Variants in AGR3 observed in about 807,000 individuals in gnomAD.
AGR3 encodes anterior gradient 3, protein disulphide isomerase family member.
A neutral mutation model predicts 24.5 loss-of-function variants in AGR3; 37 were observed. The observed-to-expected ratio is 1.51, with a 90% CI of 1.16 to 1.99. The LOEUF is 1.99. Ranked by LOEUF, AGR3 falls within the 30% of genes most tolerant of loss-of-function variation. The pLI, the probability that AGR3 is intolerant of heterozygous loss-of-function variation, is 0.00. For synonymous variants in AGR3, 75 were observed against 61.6 expected, an observed-to-expected ratio of 1.22 and a Z score of -1.02; for missense variants, 228 against 191.1, an observed-to-expected ratio of 1.19 and a Z score of -1.14.
At chr7:16,860,684 T>A in intron 6 of AGR3, 101 bp from the exon 7 acceptor site, 1 of 789,522 alleles carries the variant, frequency 1.3e-6, no homozygotes. Flanking sequence ...GGGTTATGTG[T>A]ACAAGTTTGT....
chr7:16,861,552 A>G (rs2115299179), intron 5 of AGR3, 105 bp from the exon 6 acceptor site: 10 of 924,584 alleles, frequency 1.1e-5, no homozygotes, highest in South Asian at 9.6e-5. Flanking sequence ...GGCCTTTTAT[A>G]ATTCCATACA....
At position 16,873,771 on chromosome 7, in the gene AGR3, G is replaced by T. The variant is rs528900852; in HGVS notation, c.173+9C>A. ...TAAAAGGAAAAAAATGAGCTGAGAA[G>T]CATGTTACCTTTTTTGAGCATAAAA... is the stretch of plus-strand genomic sequence containing the variant. On this transcript the variant is annotated intron_variant, in intron 3 of 7. Transcript: ENST00000310398. The T allele has an allele frequency of 1.3e-6, 2 of 1,598,810 alleles. No homozygotes were observed. The highest frequency in any genetic ancestry group is 1.7e-6 in the Non-Finnish European group (2 of 1,166,686).
intron 3 of AGR3, chr7:16,864,358 C>G (rs995246399): frequency 7.5e-7 from 1 of 1,331,266 alleles, no homozygotes; most frequent in Non-Finnish European, 1.1e-6. Context: ...AGGCAGTTCA[C>G]TGGCACTATT....
intron 1 of AGR3, among the ~76,000 whole-genome samples, chr7:16,881,053 A>T (rs1458401920): frequency 6.6e-6 from 1 of 152,170 alleles, no homozygotes; most frequent in Non-Finnish European, 1.5e-5. Context: ...GGGATCTTGG[A>T]TATAAAGAAG....
intron 3 of AGR3, among the ~76,000 whole-genome samples, chr7:16,867,651 C>T (rs569932191): frequency 3.7e-4 from 56 of 152,268 alleles, no homozygotes; most frequent in African/African-American, 1.3e-3. Context: ...CAAGAACTCC[C>T]CATCCTCACC....
chr7:16,879,453 T>A (rs868014212), intron 1 of AGR3, among the ~76,000 whole-genome samples: 8 of 152,316 alleles, frequency 5.3e-5, no homozygotes, highest in Middle Eastern at 3.4e-3. Context: ...ATAAATATAT[T>A]ACAGGAAGTC....
intron 1 of AGR3, among the ~76,000 whole-genome samples, chr7:16,879,222 G>A: frequency 6.6e-6 from 1 of 152,020 alleles, no homozygotes; most frequent in East Asian, 1.9e-4. Context: ...TCAGACTTTT[G>A]CCCTTCAGTT....
At chr7:16,876,188 C>G (rs889803803) in intron 2 of AGR3, among the ~76,000 whole-genome samples, 1 of 152,122 alleles carries the variant, frequency 6.6e-6, no homozygotes, top group Non-Finnish European at 1.5e-5. Context: ...TTTATTTACT[C>G]TGTTATAATC....
intron 3 of AGR3, among the ~76,000 whole-genome samples, chr7:16,870,978 T>C (rs930425909): frequency 6.6e-6 from 1 of 152,186 alleles, no homozygotes; most frequent in East Asian, 1.9e-4. Context: ...TTTAATAATA[T>C]GTTTCTCAGC....
chr7:16,876,585 C>A (rs1781990380), intron 2 of AGR3, among the ~76,000 whole-genome samples: 1 of 152,136 alleles, frequency 6.6e-6, no homozygotes, highest in Non-Finnish European at 1.5e-5. Context: ...TCACCCCTAC[C>A]TTTAATCTTC....
chr7:16,869,546 G>T (rs1781824529), intron 3 of AGR3, among the ~76,000 whole-genome samples: 1 of 152,002 alleles, frequency 6.6e-6, no homozygotes, highest in African/African-American at 2.4e-5. Flanking sequence ...TGGGCAACAT[G>T]ATGAAACCCT....
At chr7:16,857,935 C>T (rs1051482208), downstream of AGR3, among the ~76,000 whole-genome samples, 1 of 151,558 alleles carries the variant, frequency 6.6e-6, no homozygotes, top group Non-Finnish European at 1.5e-5. Context: ...TCAAATTTTG[C>T]TAAATGCAAT....
At chr7:16,877,753 C>T (rs893863793) in intron 2 of AGR3, among the ~76,000 whole-genome samples, 1 of 151,170 alleles carries the variant, frequency 6.6e-6, no homozygotes, top group Admixed American at 6.6e-5. Flanking sequence ...GTCCCAGCTA[C>T]TTGGGAGGCT....
intron 3 of AGR3, chr7:16,864,450 G>T (rs113417036): frequency 1.5e-6 from 2 of 1,298,876 alleles, no homozygotes; most frequent in Non-Finnish European, 2.2e-6. Flanking sequence ...AATGTCCTCC[G>T]TTAAGCTGGG....
In AGR3 at chr7:16,878,651, T is replaced by G. The variant is rs1335049623; in HGVS notation, c.-27-6A>C. On this transcript the variant is annotated splice_region_variant and splice_polypyrimidine_tract_variant and intron_variant, in intron 1 of 7. Coordinates refer to ENST00000310398, the MANE Select transcript of AGR3 (RefSeq NM_176813.5). Reference sequence around the variant, plus strand: ...AGAGACTCTCTCAGAAGAAGCTAGATGACAGAAAGGAATTCTCAGAATCCA... The same window carrying G: ...AGAGACTCTCTCAGAAGAAGCTAGAGGACAGAAAGGAATTCTCAGAATCCA... 1.3e-6 allele frequency: 2 copies of G among 1,566,096 alleles called. No individual in the cohort carries two copies. The highest frequency in any genetic ancestry group is 2.2e-5 in the South Asian group (2 of 89,702).
intron 2 of AGR3, among the ~76,000 whole-genome samples, chr7:16,877,759 A>G (rs1782015902): frequency 6.6e-6 from 1 of 151,074 alleles, no homozygotes; most frequent in African/African-American, 2.4e-5. Context: ...GCTACTTGGG[A>G]GGCTGAGGCA....
chr7:16,875,007 T>C (rs958827922), intron 2 of AGR3, among the ~76,000 whole-genome samples: 1 of 151,554 alleles, frequency 6.6e-6, no homozygotes. Context: ...TCCCAGCTAC[T>C]CGGGAGGCTG....
chr7:16,860,501 TA>T lies in AGR3; in HGVS notation c.449del (p.Leu150HisfsTer2). On this transcript the variant is annotated frameshift_variant and splice_region_variant, in exon 7 of 8. Transcript: ENST00000310398. LOFTEE classifies it high-confidence loss of function. ...LYTYEPRDLP[L>X]LIENMKKALR... The stretch of plus-strand genomic sequence containing the variant: ...TTGAGATCATTTGTGAATACTTACA[TA>T]GGGGTAAATCCCGAGGCTCATATGT... 4.4e-6 allele frequency: 7 copies of T among 1,609,084 alleles called. No homozygotes were observed. The highest frequency in any genetic ancestry group is 6.0e-6 in the Non-Finnish European group (7 of 1,175,448).
At chr7:16,865,515 T>G in intron 3 of AGR3, 1 of 704,638 alleles carries the variant, frequency 1.4e-6, no homozygotes, top group Admixed American at 2.1e-5. Context: ...TTGATTATTT[T>G]TACCACTGAG....
Sources: gnomAD v4.1 joint callset for allele counts (sites outside exome capture counted in the v4.1 genomes callset) on GRCh38, gnomAD v4.1.1 for gene constraint, MANE v1.5 for transcripts, NCBI Gene and HGNC (gene_info 2026-07-23, HGNC 2026-07-21) for gene names.